The following RFT1 variants were observed in gnomAD, a reference collection of about 807,000 sequenced individuals.
RFT1 encodes the protein man(5)GlcNAc(2)-PP-dolichol translocation protein RFT1.
A neutral mutation model predicts 62.2 loss-of-function variants in RFT1; 43 were observed. The observed-to-expected ratio is 0.69, with a 90% CI of 0.54 to 0.89. RFT1 has a LOEUF of 0.89. RFT1 is among the 40% of genes least tolerant of loss of function. RFT1 has a pLI of 0.00. For missense variants in RFT1, 605 were observed against 649.9 expected (o/e 0.93, Z 0.75); for synonymous variants, 262 against 264.6 (o/e 0.99, Z 0.10).
chr3:53,087,348 C>T (rs1054642455), downstream of RFT1, among the ~76,000 whole-genome samples: 2 of 152,174 alleles, frequency 1.3e-5, no homozygotes, highest in African/African-American at 2.4e-5. Context: ...GATCATGCTG[C>T]CCCTGATTTC....
chr3:53,103,876 C>T (rs1701385577), intron 10 of RFT1, 77 bp downstream of exon 10: 2 of 1,563,106 alleles, frequency 1.3e-6, no homozygotes, highest in African/African-American at 1.4e-5. Context: ...ACTGTGTGTG[C>T]ACAAGTTCTT....
the RFT1 span, among the ~76,000 whole-genome samples, chr3:53,078,490 T>C: frequency 6.6e-6 from 1 of 152,214 alleles, no homozygotes; most frequent in African/African-American, 2.4e-5. Context: ...GGCTCACGCC[T>C]GTAATCCCAG....
downstream of RFT1, among the ~76,000 whole-genome samples, chr3:53,083,890 A>C (rs1700805760): frequency 6.6e-6 from 1 of 152,250 alleles, no homozygotes; most frequent in Non-Finnish European, 1.5e-5. Flanking sequence ...GGGAAGACAG[A>C]AACCTTCAGC....
At chr3:53,069,498 T>C in the RFT1 span, among the ~76,000 whole-genome samples, 1 of 151,876 alleles carries the variant, frequency 6.6e-6, no homozygotes, top group Non-Finnish European at 1.5e-5. Flanking sequence ...AAGCAGATTC[T>C]TCATGGTAAA....
At chr3:53,110,819 T>C (rs1207794001) in intron 7 of RFT1, among the ~76,000 whole-genome samples, 1 of 152,172 alleles carries the variant, frequency 6.6e-6, no homozygotes, top group African/African-American at 2.4e-5. Context: ...ATATGAAATA[T>C]ATATGAAGAG....
chr3:53,105,472 G>A (rs1701442300), intron 9 of RFT1, among the ~76,000 whole-genome samples: 1 of 149,780 alleles, frequency 6.7e-6, no homozygotes, highest in African/African-American at 2.5e-5. Context: ...GAGAAGGAAG[G>A]GACAGCCAAG....
chr3:53,117,086 G>C (rs572022832), intron 6 of RFT1, among the ~76,000 whole-genome samples: 3 of 152,302 alleles, frequency 2.0e-5, no homozygotes, highest in East Asian at 3.9e-4. Flanking sequence ...TCCAAAACCA[G>C]CTATGTGATT....
chr3:53,123,594 C>G, intron 3 of RFT1, 130 bp downstream of exon 3: 1 of 758,354 alleles, frequency 1.3e-6, no homozygotes, highest in Non-Finnish European at 2.4e-6. Context: ...TGTTGTATGC[C>G]TGCTCCCAGA....
rs1188445777 is a variant in RFT1 at position 53,120,014 on chromosome 3, T to G, written c.566A>C (p.Tyr189Ser). 1 of 1,592,442 alleles carries G rather than the reference T, an allele frequency of 6.3e-7. No individual in the cohort carries two copies. The highest frequency in any genetic ancestry group is 2.2e-5 in the East Asian group (1 of 44,726). ...ATAGCAGAGCACCAGAACTGTGGTA[T>G]AGAAAAGCTGAGAAAAAAAATAAAC... ...LYIFSLAQLF[Y>S]TTVLVLCYVI... Residue 189 changes from tyrosine (Y) to serine (S), a missense_variant, in exon 6 of 13, where the codon TAT (tyrosine) becomes TCT (serine). Coordinates refer to ENST00000296292, the MANE Select transcript of RFT1 (RefSeq NM_052859.4).
intron 1 of RFT1, 93 bp downstream of exon 1, chr3:53,130,245 G>C: frequency 7.7e-7 from 1 of 1,295,740 alleles, no homozygotes; most frequent in South Asian, 1.3e-5. Context: ...TCGGGACTGG[G>C]TCGGCCCTGG....
the RFT1 span, chr3:53,077,563 T>C: frequency 6.6e-6 from 1 of 152,308 alleles, no homozygotes; most frequent in Non-Finnish European, 1.5e-5. Flanking sequence ...TTCTGTTTAC[T>C]GGGTGGCTTT....
chr3:53,092,245 G>T, intron 12 of RFT1, 124 bp downstream of exon 12: 3 of 1,446,880 alleles, frequency 2.1e-6, no homozygotes, highest in Non-Finnish European at 2.8e-6. Context: ...ATTATCAGAA[G>T]ATGCTGCCCT....
intron 2 of RFT1, 62 bp from the exon 3 acceptor site, chr3:53,123,902 A>G: frequency 1.5e-6 from 2 of 1,360,812 alleles, no homozygotes; most frequent in Non-Finnish European, 1.0e-6. Context: ...AACTTCTGGG[A>G]TTTTTCCAGC....
At position 53,090,196 on chromosome 3, in the gene RFT1, G is replaced by A. The variant is rs1049727896; in HGVS notation, c.*1707C>T. 6.5e-6 allele frequency: 1 copy of A among 152,908 alleles called. No homozygotes were observed. Among genetic ancestry groups the A allele is most frequent in the African/African-American group, 2.4e-5 (1 of 41,452 alleles). 9.5% of individuals were successfully genotyped at this position (152,908 alleles called of 1,614,324 possible). A position where few individuals can be genotyped will look rare whatever the true frequency, so the allele number is the denominator to read the frequency against. On this transcript the variant is annotated 3_prime_UTR_variant, in exon 13 of 13. Transcript: ENST00000296292. ...AGAATGAGGATCATGCTTGAGTCTGGGGTCAGGTGGGCACGGGATAGGTGC... is the reference window on the plus strand; with the variant it reads ...AGAATGAGGATCATGCTTGAGTCTGAGGTCAGGTGGGCACGGGATAGGTGC...
rs768445984 is a variant in RFT1, at chr3:53,130,390, T to C, written c.11A>G (p.Gln4Arg). 5.1e-6 allele frequency: 8 copies of C among 1,555,900 alleles called. No homozygotes were observed. Among genetic ancestry groups the C allele is most frequent in the East Asian group, 2.4e-5 (1 of 41,360 alleles). ...CCGGGCCGCGTGGCCCAGCACCTCC[T>C]GGCTGCCCATAGCCTCCGCGCCAGG... The part of the protein sequence containing the change: MGS[Q>R]EVLGHAARLA... The change falls in exon 1 of 13, where the codon CAG (glutamine) becomes CGG (arginine). Residue 4 changes from glutamine to arginine, a missense_variant. Gln to Arg is a conservative substitution (Grantham distance 43). Transcript: ENST00000296292.
chr3:53,082,486 T>C, the RFT1 span, among the ~76,000 whole-genome samples: 2 of 149,780 alleles, frequency 1.3e-5, no homozygotes, highest in South Asian at 2.1e-4. Flanking sequence ...AAAAGTAAAA[T>C]GAAATAATAA....
the RFT1 span, among the ~76,000 whole-genome samples, chr3:53,069,598 C>A: frequency 1.3e-5 from 2 of 152,160 alleles, no homozygotes; most frequent in Non-Finnish European, 2.9e-5. Flanking sequence ...TAAGCAAACT[C>A]ATAAGCAATG....
intron 11 of RFT1, among the ~76,000 whole-genome samples, chr3:53,094,976 T>C (rs1701101129): frequency 6.6e-6 from 1 of 152,132 alleles, no homozygotes; most frequent in African/African-American, 2.4e-5. Flanking sequence ...AATTAAAATA[T>C]CACTTTTTTG....
Position 53,089,536 on chromosome 3 carries a change from C to T in RFT1, c.*2367G>A, listed in dbSNP as rs930405138. On this transcript the variant is annotated 3_prime_UTR_variant, in exon 13 of 13. Transcript: ENST00000296292. The stretch of plus-strand genomic sequence containing the variant: ...ACATGTATGCAAGCTCCCTGAGGCA[C>T]AGCTGTGGCTCTAGGGGGTCCAGCA... 6.6e-6 allele frequency: 1 copy of T among 152,256 alleles called. No individual in the cohort carries two copies. The highest frequency in any genetic ancestry group is 1.5e-5 in the Non-Finnish European group (1 of 68,074). The allele number at this position is 152,256 out of a possible 1,614,324, so 9.4% of individuals were successfully genotyped here.
Sources: gnomAD v4.1 joint callset for allele counts (sites outside exome capture counted in the v4.1 genomes callset) on GRCh38, gnomAD v4.1.1 for gene constraint, MANE v1.5 for transcripts, NCBI Gene and HGNC (gene_info 2026-07-23, HGNC 2026-07-21) for gene names.